The following SERPINI1 variants were observed in gnomAD, a reference collection of about 807,000 sequenced individuals.
SERPINI1 encodes serpin family I member 1, also known as neuroserpin.
SERPINI1 carries 19 observed loss-of-function variants against 41.1 expected under a neutral mutation model. That is an observed-to-expected ratio of 0.46 (90% CI 0.32 to 0.68). The LOEUF (loss-of-function observed/expected upper bound fraction) is 0.68. Among genes scored for constraint, SERPINI1 ranks in the 30% least tolerant of loss-of-function variants. The pLI is 0.03. For missense variants in SERPINI1, 460 were observed against 479.2 expected (o/e 0.96, Z 0.37); for synonymous variants, 138 against 156.6 (o/e 0.88, Z 0.89).
chr3:167,789,442 A>G (rs551313113), intron 2 of SERPINI1, 64 bp downstream of exon 2: 16 of 1,575,842 alleles, frequency 1.0e-5, no homozygotes, highest in Middle Eastern at 1.7e-4. Context: ...GTTATGTTGT[A>G]TTCTTATTCT....
At chr3:167,813,235 C>A (rs183139753) in intron 6 of SERPINI1, among the ~76,000 whole-genome samples, 10 of 152,318 alleles carry the variant, frequency 6.6e-5, no homozygotes, top group African/African-American at 2.4e-4. Flanking sequence ...TGGATTACTG[C>A]AACAGCTAAC....
At chr3:167,763,354 GTT>G (rs34672372) in intron 1 of SERPINI1, among the ~76,000 whole-genome samples, 4 of 140,212 alleles carry the variant, frequency 2.9e-5, no homozygotes, top group African/African-American at 1.3e-4. Flanking sequence ...TTCAACCACA[GTT>G]TTGTGTGTGT....
intron 1 of SERPINI1, among the ~76,000 whole-genome samples, chr3:167,781,021 G>A (rs924584802): frequency 3.9e-5 from 6 of 152,084 alleles, no homozygotes; most frequent in Non-Finnish European, 5.9e-5. Flanking sequence ...GGAAAGGGAA[G>A]GAACACTATG....
intron 6 of SERPINI1, among the ~76,000 whole-genome samples, chr3:167,808,338 T>C (rs1711730980): frequency 6.6e-6 from 1 of 151,744 alleles, no homozygotes; most frequent in Non-Finnish European, 1.5e-5. Context: ...TTATAATTTG[T>C]AAAATACTTT....
At chr3:167,775,602 C>T (rs1024442651) in intron 1 of SERPINI1, among the ~76,000 whole-genome samples, 16 of 151,990 alleles carry the variant, frequency 1.1e-4, no homozygotes, top group East Asian at 5.8e-4. Flanking sequence ...TTTTATTACA[C>T]GAAAACATTT....
At chr3:167,787,786 C>CA (rs1327948239) in intron 1 of SERPINI1, among the ~76,000 whole-genome samples, 2 of 152,060 alleles carry the variant, frequency 1.3e-5, no homozygotes, top group African/African-American at 2.4e-5. Flanking sequence ...ACTTTTCAGA[C>CA]AAAAAAACTG....
chr3:167,763,950 G>A (rs1726472348), intron 1 of SERPINI1, among the ~76,000 whole-genome samples: 1 of 151,956 alleles, frequency 6.6e-6, no homozygotes, highest in East Asian at 1.9e-4. Context: ...TAGAACTTTT[G>A]CCTCACATTA....
rs1457062007 is a variant in SERPINI1, at chr3:167,789,128, T to A, written c.-1T>A. The A allele has an allele frequency of 6.2e-7, 1 of 1,613,916 alleles. No homozygotes were observed. Among genetic ancestry groups the A allele is most frequent in the East Asian group, 2.2e-5 (1 of 44,882 alleles). On this transcript the variant is annotated 5_prime_UTR_variant, in exon 2 of 9. Coordinates refer to ENST00000446050, the MANE Select transcript of SERPINI1 (RefSeq NM_001122752.2). ...TTTTTTAGGCTTGAAACTGTTACAA[T>A]ATGGCTTTCCTTGGACTCTTCTCTT...
intron 5 of SERPINI1, among the ~76,000 whole-genome samples, chr3:167,798,005 T>C (rs1352461299): frequency 2.0e-5 from 3 of 152,132 alleles, no homozygotes; most frequent in Non-Finnish European, 1.5e-5. Flanking sequence ...CTTCTCTTAT[T>C]AAATCCATGA....
intron 6 of SERPINI1, among the ~76,000 whole-genome samples, chr3:167,811,949 A>C (rs980266391): frequency 6.6e-6 from 1 of 152,234 alleles, no homozygotes; most frequent in African/African-American, 2.4e-5. Flanking sequence ...ATTATGTGAT[A>C]AAATTGTATC....
intron 7 of SERPINI1, 90 bp downstream of exon 7, chr3:167,823,162 C>A: frequency 4.5e-6 from 4 of 879,246 alleles, no homozygotes; most frequent in Admixed American, 3.5e-5. Context: ...CAAAATGAAG[C>A]CAAAAAAGTC....
At chr3:167,779,557 C>A (rs1181737696) in intron 1 of SERPINI1, among the ~76,000 whole-genome samples, 7 of 152,142 alleles carry the variant, frequency 4.6e-5, no homozygotes, top group African/African-American at 1.7e-4. Context: ...TCAAAGAAAA[C>A]TTCAAAACCC....
rs538290418 is a variant in SERPINI1 at position 167,744,665 on chromosome 3, AATAT to A, written c.-19+8850_-19+8853del. On this transcript the variant is annotated intron_variant, in intron 1 of 8. Transcript: ENST00000446050. ...ATATATAAATATATATAAATATAAA[AATAT>A]ATATATAAATATATATATAAACATA... 4.4e-3 allele frequency among the ~76,000 whole-genome samples: 524 copies of A among 118,226 alleles called. 2 individuals are homozygous for A. The highest frequency in any genetic ancestry group is 0.018 in the African/African-American group (478 of 26,862). 77.6% of individuals were successfully genotyped at this position (118,226 alleles called of 152,430 possible).
intron 5 of SERPINI1, among the ~76,000 whole-genome samples, chr3:167,803,623 C>T (rs1429115739): frequency 8.5e-5 from 13 of 152,090 alleles, no homozygotes; most frequent in Admixed American, 8.5e-4. Context: ...AGAAACTTGC[C>T]GAAGTTCGCC....
intron 6 of SERPINI1, 141 bp downstream of exon 6, chr3:167,807,482 T>C: frequency 1.6e-6 from 1 of 629,936 alleles, no homozygotes. Flanking sequence ...TGAAATACAT[T>C]TAACCTCTAC....
At chr3:167,770,016 T>G (rs1438478424) in intron 1 of SERPINI1, among the ~76,000 whole-genome samples, 1 of 141,562 alleles carries the variant, frequency 7.1e-6, no homozygotes, top group African/African-American at 2.8e-5. Flanking sequence ...TATTTTAACA[T>G]AGGCATGTTT....
At chr3:167,759,399 G>GATATATATAT (rs1364573755) in intron 1 of SERPINI1, among the ~76,000 whole-genome samples, 1 of 81,580 alleles carries the variant, frequency 1.2e-5, no homozygotes, top group Non-Finnish European at 2.5e-5. Context: ...AAGAAAATGT[G>GATATATATAT]GTATATATAT....
chr3:167,770,909 T>G (rs1025093252), intron 1 of SERPINI1, among the ~76,000 whole-genome samples: 3 of 152,224 alleles, frequency 2.0e-5, no homozygotes, highest in African/African-American at 7.2e-5. Flanking sequence ...TGGACCTTGC[T>G]GATGTACCCT....
chr3:167,774,860 G>T (rs1288790574), intron 1 of SERPINI1, among the ~76,000 whole-genome samples: 1 of 152,084 alleles, frequency 6.6e-6, no homozygotes, highest in Non-Finnish European at 1.5e-5. Context: ...ATAAAGTACA[G>T]CAAGAAGTTA....
Sources: gnomAD v4.1 joint callset for allele counts (sites outside exome capture counted in the v4.1 genomes callset) on GRCh38, gnomAD v4.1.1 for gene constraint, MANE v1.5 for transcripts, NCBI Gene and HGNC (gene_info 2026-07-23, HGNC 2026-07-21) for gene names.